MCM3: variants seen among roughly 807,000 people sequenced by gnomAD.
The protein encoded by MCM3 is DNA replication licensing factor MCM3.
MCM3 carries 59 observed loss-of-function variants against 91.3 expected under a neutral mutation model. That is an observed-to-expected ratio of 0.65 (90% CI 0.52 to 0.80). MCM3 has a LOEUF of 0.80. Ranked by LOEUF, MCM3 falls within the 30% of genes least tolerant of loss-of-function variation. The pLI is 0.00. For missense variants in MCM3, 919 were observed against 1,035.4 expected (o/e 0.89, Z 1.54); for synonymous variants, 383 against 379.6 (o/e 1.01, Z -0.10).
Position 52,278,880 on chromosome 6 carries a change from G to A in MCM3, c.771-30C>T, listed in dbSNP as rs376594269. The A allele has an allele frequency of 8.5e-5, 126 of 1,490,210 alleles. 1 individual carries two copies. The South Asian group carries it at 9.3e-4, about 11-fold the overall frequency. The allele number at this position is 1,490,210 out of a possible 1,614,324, so 92.3% of individuals were successfully genotyped here. A position where few individuals can be genotyped will look rare whatever the true frequency, so the allele number is the denominator to read the frequency against. ...GACAAACAGAATAAAGAGGAAACCC[G>A]TTATATTCAATTCCTAACATCAGTA... On this transcript the variant is annotated intron_variant, in intron 5 of 16. Transcript: ENST00000596288.
chr6:52,277,042 T>C, intron 8 of MCM3, 25 bp downstream of exon 8: 1 of 1,603,780 alleles, frequency 6.2e-7, no homozygotes. Flanking sequence ...TGCTGGGCCT[T>C]TGCCAAGGAC....
At position 52,264,564 on chromosome 6, in the gene MCM3, C is replaced by T. The variant is rs774972855; in HGVS notation, c.*24G>A. 5 of 1,613,280 alleles carry T rather than the reference C, an allele frequency of 3.1e-6. No individual in the cohort carries two copies. The highest frequency in any genetic ancestry group is 4.2e-6 in the Non-Finnish European group (5 of 1,179,452). On this transcript the variant is annotated 3_prime_UTR_variant, in exon 17 of 17. Transcript: ENST00000596288. Reference sequence around the variant, plus strand: ...CACAGAACAAACTCTCTCGGCACAACCCAAGTTCAGAGACGAGGCCTCCTC... The same window carrying T: ...CACAGAACAAACTCTCTCGGCACAATCCAAGTTCAGAGACGAGGCCTCCTC...
chr6:52,270,062 AC>A (rs1764973140), intron 12 of MCM3, among the ~76,000 whole-genome samples: 1 of 152,190 alleles, frequency 6.6e-6, no homozygotes, highest in South Asian at 2.1e-4. Flanking sequence ...GTGGTGGCTC[AC>A]ATCTGTAATC....
intron 8 of MCM3, 129 bp from the exon 9 acceptor site, chr6:52,276,605 CGAGAAACTTA>C: frequency 3.9e-6 from 3 of 768,542 alleles, no homozygotes. Flanking sequence ...GTGTTGGCTC[CGAGAAACTTA>C]GAGGAAACCC....
At chr6:52,283,750 TGTTAA>T (rs1371587965) in intron 1 of MCM3, among the ~76,000 whole-genome samples, 1 of 152,258 alleles carries the variant, frequency 6.6e-6, no homozygotes, top group Non-Finnish European at 1.5e-5. Context: ...TTTGTTAAAA[TGTTAA>T]GTTAAACCTA....
At chr6:52,267,828 A>G (rs753639331) in intron 14 of MCM3, 37 bp downstream of exon 14, 23 of 811,300 alleles carry the variant, frequency 2.8e-5, no homozygotes, top group Non-Finnish European at 4.5e-5. Flanking sequence ...CTTCTTGGCC[A>G]CTAACTTTTT....
In MCM3 at chr6:52,278,444, C is replaced by T. The variant is rs559880680; in HGVS notation, c.879+298G>A. Among the ~76,000 whole-genome samples, 243 of 152,262 alleles carry T rather than the reference C, an allele frequency of 1.6e-3. 3 individuals carry two copies. Among genetic ancestry groups the T allele is most frequent in the African/African-American group, 5.5e-3 (230 of 41,562 alleles). On this transcript the variant is annotated intron_variant, in intron 6 of 16. Coordinates refer to ENST00000596288, the MANE Select transcript of MCM3 (RefSeq NM_002388.6). ...TGTTTAAGTAGTAATGCATCACTAACGCCTTCAGTAATAAATAGACTTACT... is the reference window on the plus strand; with the variant it reads ...TGTTTAAGTAGTAATGCATCACTAATGCCTTCAGTAATAAATAGACTTACT...
chr6:52,273,142 T>C, intron 11 of MCM3, 88 bp downstream of exon 11: 1 of 1,529,436 alleles, frequency 6.5e-7, no homozygotes, highest in Non-Finnish European at 9.0e-7. Flanking sequence ...CCTGGGCATA[T>C]AAGGCCTTAG....
rs368980425 is a variant in MCM3 at position 52,279,431 on chromosome 6, G to A, written c.700C>T (p.Arg234Trp). 1.1e-5 allele frequency: 18 copies of A among 1,614,052 alleles called. No individual in the cohort carries two copies. Among genetic ancestry groups the A allele is most frequent in the African/African-American group, 6.7e-5 (5 of 74,920 alleles). Residue 234 changes from arginine to tryptophan, a missense_variant, in exon 5 of 17, where the codon CGG (arginine) becomes TGG (tryptophan). Coordinates refer to ENST00000596288, the MANE Select transcript of MCM3 (RefSeq NM_002388.6). ...DLVDKAKPGD[R>W]VQVVGTYRCL... is the part of the protein sequence containing the mutation. ...CGGTAGGTTCCCACCACCTGAACCC[G>A]GTCACCAGGCTTCGCTTTATCCACC...
chr6:52,284,560 C>G, intron 1 of MCM3, 37 bp downstream of exon 1: 7 of 1,565,916 alleles, frequency 4.5e-6, no homozygotes, highest in Non-Finnish European at 5.2e-6. Context: ...CGCAGGGGCT[C>G]CGAGCGCTAG....
At chr6:52,271,333 C>T (rs532686941) in intron 12 of MCM3, among the ~76,000 whole-genome samples, 28 of 151,794 alleles carry the variant, frequency 1.8e-4, no homozygotes, top group African/African-American at 6.5e-4. Context: ...GTGAACTACA[C>T]TGCCCCTAAA....
At chr6:52,284,201 T>C (rs909588251) in intron 1 of MCM3, among the ~76,000 whole-genome samples, 2 of 152,176 alleles carry the variant, frequency 1.3e-5, no homozygotes, top group Non-Finnish European at 2.9e-5. Flanking sequence ...AAAACGTCAG[T>C]CCCTAAAATC....
chr6:52,284,512 G>C, intron 1 of MCM3, 85 bp downstream of exon 1: 1 of 1,282,328 alleles, frequency 7.8e-7, no homozygotes, highest in Non-Finnish European at 1.1e-6. Flanking sequence ...ACGGTCTGGA[G>C]GTCTGGCGGG....
chr6:52,282,581 T>C lies in MCM3; in HGVS notation c.400+72A>G, dbSNP rs544231905. On this transcript the variant is annotated intron_variant, in intron 3 of 16. Coordinates refer to ENST00000596288, the MANE Select transcript of MCM3 (RefSeq NM_002388.6). ...TTTGAAGCCACAAGCTACCCAGATC[T>C]ACTTTGCCTCTCCTGCTTTCCCCAT... The C allele has an allele frequency of 8.3e-5, 120 of 1,443,844 alleles. 2 individuals are homozygous for C. In the South Asian group the frequency reaches 1.3e-3, roughly 16 times the overall value. 89.4% of individuals were successfully genotyped at this position (1,443,844 alleles called of 1,614,324 possible). A position where few individuals can be genotyped will look rare whatever the true frequency, so the allele number is the denominator to read the frequency against.
chr6:52,266,577 A>T (rs771113328), intron 15 of MCM3, 34 bp downstream of exon 15: 1 of 1,584,568 alleles, frequency 6.3e-7, no homozygotes, highest in Non-Finnish European at 8.7e-7. Context: ...AGTCACAGGA[A>T]CAACCTCTTT....
At chr6:52,276,876 G>A (rs1392185621) in intron 8 of MCM3, among the ~76,000 whole-genome samples, 191 bp downstream of exon 8, 2 of 152,004 alleles carry the variant, frequency 1.3e-5, no homozygotes, top group South Asian at 2.1e-4. Context: ...CCTTTAAATC[G>A]AAAACATTCC....
Position 52,277,646 on chromosome 6 carries a change from G to A in MCM3, c.922C>T (p.His308Tyr), listed in dbSNP as rs1469514210. The change falls in exon 7 of 17, where the codon CAT (histidine) becomes TAT (tyrosine). Residue 308 changes from histidine (H) to tyrosine (Y), a missense_variant. Transcript: ENST00000596288. The stretch of plus-strand genomic sequence containing the variant: ...GCTTTCTTGACATAGTCATGCCCAT[G>A]GATACTTGGGGCCAATGACTTGGCC... ...QLAKSLAPSI[H>Y]GHDYVKKAIL... 2 of 1,613,914 alleles carry A rather than the reference G, an allele frequency of 1.2e-6. No individual in the cohort carries two copies. Among genetic ancestry groups the A allele is most frequent in the Admixed American group, 3.3e-5 (2 of 59,988 alleles).
chr6:52,275,989 G>T, intron 9 of MCM3: 1 of 383,668 alleles, frequency 2.6e-6, no homozygotes. Flanking sequence ...CCACATGCAT[G>T]TAGTCCTTTT....
chr6:52,282,218 C>T (rs374227764), intron 3 of MCM3, 43 bp from the exon 4 acceptor site: 81 of 1,605,100 alleles, frequency 5.0e-5, no homozygotes, highest in Admixed American at 1.7e-4. Context: ...CCCAACTAGA[C>T]GATGATACAG....
Sources: allele counts gnomAD v4.1 joint callset (sites outside exome capture counted in the v4.1 genomes callset), GRCh38; gene constraint gnomAD v4.1.1; transcripts MANE v1.5; gene names NCBI Gene and HGNC (gene_info 2026-07-23, HGNC 2026-07-21).